IRF4: variants seen among roughly 807,000 people sequenced by gnomAD.
The protein encoded by IRF4 is interferon regulatory factor 4, also known as lymphocyte-specific interferon regulatory factor.
In IRF4, 13 loss-of-function variants were observed where a neutral mutation model predicts 55.5. The observed-to-expected ratio is 0.23, with a 90% CI of 0.15 to 0.37. The LOEUF (loss-of-function observed/expected upper bound fraction) is 0.37, where lower values mean the gene tolerates loss of function less well. IRF4 is among the 10% of genes least tolerant of loss of function. The pLI is 1.00. For missense variants in IRF4, 397 were observed against 593.8 expected, an observed-to-expected ratio of 0.67 and a Z score of 3.44; for synonymous variants, 249 against 240.7, an observed-to-expected ratio of 1.03 and a Z score of -0.32.
intron 1 of IRF4, 68 bp downstream of exon 1, chr6:391,877 C>T (rs1436119191): frequency 4.4e-6 from 2 of 453,482 alleles, no homozygotes; most frequent in Admixed American, 4.7e-5. Flanking sequence ...GAGCGCGAAC[C>T]AGAGGTTCGA....
rs1400777715 is a variant in IRF4, at chr6:401,714, C to G, written c.1036C>G (p.Arg346Gly). The change falls in exon 7 of 9, where the codon CGG becomes GGG. Residue 346 changes from arginine to glycine, a missense_variant. Coordinates refer to ENST00000380956, the MANE Select transcript of IRF4 (RefSeq NM_002460.4). ...WDGPLALCND[R>G]PNKLERDQTC... ...CGGGCCCCTGGCGCTGTGCAACGAC[C>G]GGCCCAACAAACTGGAGAGAGACCA... The G allele has an allele frequency of 1.2e-6, 2 of 1,614,078 alleles. No homozygotes were observed. The highest frequency in any genetic ancestry group is 2.2e-5 in the East Asian group (1 of 44,900).
At chr6:407,382 A>C (rs1761572287) in intron 8 of IRF4, 73 bp from the exon 9 acceptor site, 2 of 1,345,790 alleles carry the variant, frequency 1.5e-6, no homozygotes, top group Admixed American at 2.3e-5. Context: ...TCTCCTTAGA[A>C]TCTGAGTGCT....
In IRF4 at chr6:393,562, G is replaced by A. The variant is rs983106402; in HGVS notation, c.216+194G>A. Among the ~76,000 whole-genome samples, 9 of 152,092 alleles carry A rather than the reference G, an allele frequency of 5.9e-5. No homozygotes were observed. Among genetic ancestry groups the A allele is most frequent in the Non-Finnish European group, 1.0e-4 (7 of 67,978 alleles). On this transcript the variant is annotated intron_variant, in intron 2 of 8. Transcript: ENST00000380956. The surrounding 1 kb of genome is among the most constrained non-coding windows in gnomAD (Gnocchi z 5.4). ...CCTCGGCTCTCAGCGGGACCGCGGG[G>A]GCCGGGAGCCGGGTCCTGGGCGCGT...
At chr6:397,045 C>T (rs1372314799) in intron 4 of IRF4, 63 bp from the exon 5 acceptor site, 1 of 1,160,224 alleles carries the variant, frequency 8.6e-7, no homozygotes, top group Admixed American at 2.9e-5. Flanking sequence ...GCCTCTCCTG[C>T]ACTCCTTTAC....
Position 406,055 on chromosome 6 carries a change from C to A in IRF4, c.1212+925C>A, listed in dbSNP as rs372608027. On this transcript the variant is annotated intron_variant, in intron 8 of 8. Transcript: ENST00000380956. ...GGTTTAATCTTGAACATACAACCCC[C>A]CTTCTTGATTTTAAAAACAAAGACC... is the stretch of plus-strand genomic sequence containing the variant. 7.2e-5 allele frequency among the ~76,000 whole-genome samples: 11 copies of A among 152,302 alleles called. No homozygotes were observed. In the East Asian group the frequency reaches 1.9e-3, roughly 27 times the overall value.
intron 8 of IRF4, 30 bp from the exon 9 acceptor site, chr6:407,425 G>A (rs1238049626): frequency 1.3e-6 from 2 of 1,587,152 alleles, no homozygotes; most frequent in South Asian, 2.3e-5. Flanking sequence ...GGATATCTCA[G>A]TAATGTCTTT....
intron 8 of IRF4, chr6:407,014 T>C: frequency 1.7e-6 from 1 of 571,616 alleles, no homozygotes; most frequent in Non-Finnish European, 2.3e-6. Context: ...TTCTTTTACC[T>C]CTGGTTGAGA....
chr6:405,282 C>T, intron 8 of IRF4, 152 bp downstream of exon 8: 1 of 610,792 alleles, frequency 1.6e-6, no homozygotes, highest in South Asian at 2.0e-5. Context: ...AAGCATGGTC[C>T]AACGAGCAGC....
At chr6:396,142 G>A (rs901893228) in intron 4 of IRF4, 32 of 563,236 alleles carry the variant, frequency 5.7e-5, no homozygotes, top group Middle Eastern at 4.6e-4. Flanking sequence ...GGGGAGGGTC[G>A]GGCGTGTCCG....
At position 391,788 on chromosome 6, in the gene IRF4, T is replaced by TC. The variant is rs1201258909; in HGVS notation, c.-76dup. The TC allele has an allele frequency of 2.2e-6, 1 of 450,562 alleles. No individual in the cohort carries two copies. Among genetic ancestry groups the TC allele is most frequent in the East Asian group, 7.2e-5 (1 of 13,860 alleles). The allele number at this position is 450,562 out of a possible 1,614,324, so 27.9% of individuals were successfully genotyped here. A position where few individuals can be genotyped will look rare whatever the true frequency, so the allele number is the denominator to read the frequency against. ...TCGATCTTGGGACCCACCGCTGCCCTCAGCTCCGAGTCCAGGGCGAGGTAA... is the reference window on the plus strand; with the variant it reads ...TCGATCTTGGGACCCACCGCTGCCCTCCAGCTCCGAGTCCAGGGCGAGGTAA... On this transcript the variant is annotated 5_prime_UTR_variant, in exon 1 of 9. Coordinates refer to ENST00000380956, the MANE Select transcript of IRF4 (RefSeq NM_002460.4).
chr6:404,177 C>T (rs1267965331), intron 7 of IRF4, among the ~76,000 whole-genome samples: 3 of 152,150 alleles, frequency 2.0e-5, no homozygotes, highest in East Asian at 1.9e-4. Context: ...CTTTTGCGGG[C>T]GTGACATTTT....
chr6:411,389 ATATGT>A lies in IRF4; in HGVS notation c.*3793_*3797del, dbSNP rs1407797333. 5.0e-6 allele frequency: 1 copy of A among 200,916 alleles called. No homozygotes were observed. Among genetic ancestry groups the A allele is most frequent in the Non-Finnish European group, 1.0e-5 (1 of 97,328 alleles). The allele number at this position is 200,916 out of a possible 1,614,324, so 12.4% of individuals were successfully genotyped here. A position where few individuals can be genotyped will look rare whatever the true frequency, so the allele number is the denominator to read the frequency against. On this transcript the variant is annotated 3_prime_UTR_variant, in exon 9 of 9. Coordinates refer to ENST00000380956, the MANE Select transcript of IRF4 (RefSeq NM_002460.4). ...GTAAATTGCTCTGCAAAGCAAATTG[ATATGT>A]TTGATAAATTTATGTTTTTAGGTAA...
Position 395,941 on chromosome 6 carries a change from G to A in IRF4, c.492+6G>A. The A allele has an allele frequency of 6.2e-7, 1 of 1,610,182 alleles. No individual in the cohort carries two copies. ...ACCCTTCGCTCCCAGCCCAGGTATG[G>A]TGGAGGGCACTGGGCTCCCTGAGGG... is the stretch of plus-strand genomic sequence containing the variant. On this transcript the variant is annotated splice_donor_region_variant and intron_variant, in intron 4 of 8. Transcript: ENST00000380956.
chr6:405,121 C>T lies in IRF4; in HGVS notation c.1203C>T (p.Ile401=). The T allele has an allele frequency of 6.3e-7, 1 of 1,589,576 alleles. No individual in the cohort carries two copies. Among genetic ancestry groups the T allele is most frequent in the South Asian group, 1.1e-5 (1 of 90,524 alleles). ...FPDPQRQRKL[I]TAHVEPLLAR... ...ACCCTCAGAGGCAAAGAAAGCTCAT[C>T]ACAGCTCACGTGAGTCCTCAGTTAC... Residue 401 remains isoleucine (I), a synonymous_variant, in exon 8 of 9, where the codon ATC becomes ATT. Transcript: ENST00000380956.
chr6:394,403 C>T (rs539810964), intron 2 of IRF4, among the ~76,000 whole-genome samples: 8 of 152,326 alleles, frequency 5.3e-5, no homozygotes, highest in Non-Finnish European at 8.8e-5. Flanking sequence ...TTCTGAGCAA[C>T]GGTGTAAATC....
rs1224824293 is a variant in IRF4, at chr6:408,406, C to G, written c.*808C>G. On this transcript the variant is annotated 3_prime_UTR_variant, in exon 9 of 9. Transcript: ENST00000380956. ...CCCCGCCCTCCTTCCCATTGGCTTT[C>G]TCTCCTTGGCCTTTCCTGGAAGCCA... 1 of 230,756 alleles carries G rather than the reference C, an allele frequency of 4.3e-6. No homozygotes were observed. Among genetic ancestry groups the G allele is most frequent in the Non-Finnish European group, 8.6e-6 (1 of 116,460 alleles). 14.3% of individuals were successfully genotyped at this position (230,756 alleles called of 1,614,324 possible).
At chr6:404,434 A>G (rs1016340472) in intron 7 of IRF4, among the ~76,000 whole-genome samples, 1 of 151,836 alleles carries the variant, frequency 6.6e-6, no homozygotes, top group African/African-American at 2.4e-5. Context: ...ACTCAGAGTT[A>G]CACAGTTCAG....
chr6:407,917 G>A lies in IRF4; in HGVS notation c.*319G>A, dbSNP rs543890133. Reference sequence around the variant, plus strand: ...GAGATTTCAGTTCAGCGGTTGAGGAGAATTGCGGCGAGACAAGCATGGAAA... The same window carrying A: ...GAGATTTCAGTTCAGCGGTTGAGGAAAATTGCGGCGAGACAAGCATGGAAA... On this transcript the variant is annotated 3_prime_UTR_variant, in exon 9 of 9. Transcript: ENST00000380956. 5 of 325,198 alleles carry A rather than the reference G, an allele frequency of 1.5e-5. No individual in the cohort carries two copies. In the South Asian group the frequency reaches 2.8e-4, roughly 18 times the overall value. 20.1% of individuals were successfully genotyped at this position (325,198 alleles called of 1,614,324 possible).
intron 6 of IRF4, among the ~76,000 whole-genome samples, chr6:400,877 C>T (rs778612099): frequency 4.6e-5 from 7 of 151,978 alleles, no homozygotes; most frequent in Non-Finnish European, 1.0e-4. Context: ...GTATGTGGAC[C>T]GACTTGCTTC....
Sources: gnomAD v4.1 joint callset for allele counts (sites outside exome capture counted in the v4.1 genomes callset) on GRCh38, gnomAD v4.1.1 for gene constraint, Gnocchi (gnomAD v3.1) non-coding constraint, MANE v1.5 for transcripts, NCBI Gene and HGNC (gene_info 2026-07-23, HGNC 2026-07-21) for gene names.